The following CACNA2D3 variants were observed in gnomAD, a reference collection of about 807,000 sequenced individuals.
CACNA2D3 encodes the protein calcium voltage-gated channel auxiliary subunit alpha2delta 3.
A neutral mutation model predicts 160.6 loss-of-function variants in CACNA2D3; 60 were observed. The observed-to-expected ratio is 0.37, with a 90% CI of 0.30 to 0.46. The LOEUF (loss-of-function observed/expected upper bound fraction) is 0.46. Among genes scored for constraint, CACNA2D3 ranks in the 20% least tolerant of loss-of-function variants. CACNA2D3 has a pLI of 1.00. For synonymous variants in CACNA2D3, 558 were observed against 492.9 expected, an observed-to-expected ratio of 1.13 and a Z score of -1.75; for missense variants, 1,205 against 1,365.0, an observed-to-expected ratio of 0.88 and a Z score of 1.85.
At chr3:54,935,885 G>C (rs1701316820) in intron 27 of CACNA2D3, among the ~76,000 whole-genome samples, 1 of 152,172 alleles carries the variant, frequency 6.6e-6, no homozygotes, top group Admixed American at 6.5e-5. Flanking sequence ...TTAGTCTTAA[G>C]CAGGACTTAG....
At chr3:54,854,777 A>G (rs528606542) in intron 17 of CACNA2D3, among the ~76,000 whole-genome samples, 200 of 152,276 alleles carry the variant, frequency 1.3e-3, no homozygotes, top group African/African-American at 4.6e-3. Context: ...ATAAATAACT[A>G]CATATTTGAA....
At position 54,626,684 on chromosome 3, in the gene CACNA2D3, C is replaced by CAAAAA. The variant is rs71096430; in HGVS notation, c.964-1082_964-1078dup. On this transcript the variant is annotated intron_variant, in intron 9 of 37. Coordinates refer to ENST00000474759, the MANE Select transcript of CACNA2D3 (RefSeq NM_018398.3). Reference sequence around the variant, plus strand: ...TAATAAAGGCGCACATGGTTCCAGTCAAAAAAAAAAAAAAAAAAAAAAAAA... The same window carrying CAAAAA: ...TAATAAAGGCGCACATGGTTCCAGTCAAAAAAAAAAAAAAAAAAAAAAAAAAAAAA... 1,241 of 317,812 alleles carry CAAAAA rather than the reference C, an allele frequency of 3.9e-3. 7 individuals are homozygous for CAAAAA. Among genetic ancestry groups the CAAAAA allele is most frequent in the African/African-American group, 9.1e-3 (197 of 21,534 alleles). The allele number at this position is 317,812 out of a possible 1,614,324, so 19.7% of individuals were successfully genotyped here.
chr3:54,239,694 A>G (rs953445784), intron 2 of CACNA2D3, among the ~76,000 whole-genome samples: 4 of 152,248 alleles, frequency 2.6e-5, no homozygotes, highest in Admixed American at 6.5e-5. Flanking sequence ...AGTTTGGCTC[A>G]AAAATATTAT....
At chr3:54,668,255 T>G (rs931981992) in intron 11 of CACNA2D3, among the ~76,000 whole-genome samples, 1 of 152,192 alleles carries the variant, frequency 6.6e-6, no homozygotes, top group Non-Finnish European at 1.5e-5. Flanking sequence ...TTTTTTCTCT[T>G]TTCTCCACCC....
intron 4 of CACNA2D3, among the ~76,000 whole-genome samples, chr3:54,412,241 CCT>C (rs1039653214): frequency 6.6e-6 from 1 of 151,660 alleles, no homozygotes; most frequent in Non-Finnish European, 1.5e-5. Context: ...ACTGCATTCT[CCT>C]CTCTCTCATT....
chr3:54,633,493 T>A (rs1261458334), intron 10 of CACNA2D3: 1 of 152,058 alleles, frequency 6.6e-6, no homozygotes, highest in Non-Finnish European at 1.5e-5. Flanking sequence ...AAAAATCGGA[T>A]TTATTGGGCA....
chr3:55,006,836 A>G (rs987116303), intron 32 of CACNA2D3, among the ~76,000 whole-genome samples: 3 of 152,222 alleles, frequency 2.0e-5, no homozygotes, highest in Admixed American at 6.5e-5. Context: ...TCTAGTTCTT[A>G]TAATTAAAAT....
At chr3:54,931,430 C>G (rs1288446486) in intron 27 of CACNA2D3, among the ~76,000 whole-genome samples, 1 of 152,182 alleles carries the variant, frequency 6.6e-6, no homozygotes, top group African/African-American at 2.4e-5. Flanking sequence ...GATATGCATG[C>G]TAATGCTAGG....
chr3:54,393,214 T>C (rs2106678833), intron 4 of CACNA2D3, among the ~76,000 whole-genome samples: 1 of 152,216 alleles, frequency 6.6e-6, no homozygotes. Context: ...GAAGCACCCA[T>C]CGTCGACGTG....
chr3:54,871,152 C>T (rs1699517774), intron 17 of CACNA2D3, among the ~76,000 whole-genome samples: 1 of 145,140 alleles, frequency 6.9e-6, no homozygotes, highest in African/African-American at 2.6e-5. Flanking sequence ...ACAGAATTTA[C>T]ATTGTTTACA....
At chr3:54,798,751 A>C (rs1014565510) in intron 13 of CACNA2D3, among the ~76,000 whole-genome samples, 1 of 152,188 alleles carries the variant, frequency 6.6e-6, no homozygotes. Flanking sequence ...ATACCAACCC[A>C]CTAGCGAGCA....
intron 27 of CACNA2D3, among the ~76,000 whole-genome samples, chr3:54,912,816 T>C (rs1393868990): frequency 6.6e-6 from 1 of 152,166 alleles, no homozygotes; most frequent in Admixed American, 6.5e-5. Context: ...CCTTAATACT[T>C]GGAAAAGGAG....
chr3:54,576,106 C>T (rs907517061), intron 8 of CACNA2D3, among the ~76,000 whole-genome samples: 5 of 152,096 alleles, frequency 3.3e-5, no homozygotes, highest in South Asian at 2.1e-4. Context: ...TGTTGAGATG[C>T]GCCCCGAAGC....
intron 11 of CACNA2D3, among the ~76,000 whole-genome samples, chr3:54,655,891 A>G (rs1699868284): frequency 6.6e-6 from 1 of 152,194 alleles, no homozygotes; most frequent in African/African-American, 2.4e-5. Context: ...CTGGGTGGGT[A>G]TCTAGGCTTT....
chr3:55,035,018 T>C (rs1703782945), intron 35 of CACNA2D3, among the ~76,000 whole-genome samples: 3 of 152,168 alleles, frequency 2.0e-5, no homozygotes, highest in Non-Finnish European at 4.4e-5. Context: ...ACATAAGATA[T>C]AACTTTTATA....
At chr3:54,359,142 C>T (rs1275665350) in intron 3 of CACNA2D3, among the ~76,000 whole-genome samples, 2 of 152,164 alleles carry the variant, frequency 1.3e-5, no homozygotes, top group South Asian at 2.1e-4. Context: ...AACATGGCTT[C>T]AGGGTCTGTC....
chr3:55,072,298 C>G (rs572720673), intron 35 of CACNA2D3, among the ~76,000 whole-genome samples: 1 of 152,090 alleles, frequency 6.6e-6, no homozygotes, highest in African/African-American at 2.4e-5. Flanking sequence ...AGAAAGAAAC[C>G]AATTGTGTTG....
chr3:54,801,200 C>G lies in CACNA2D3; in HGVS notation c.1381-15653C>G, dbSNP rs1702979002. On this transcript the variant is annotated intron_variant, in intron 13 of 37. Coordinates refer to ENST00000474759, the MANE Select transcript of CACNA2D3 (RefSeq NM_018398.3). Reference sequence around the variant, plus strand: ...ATGGGGTTTCACCATGTTGGCCAGGCTGGTGTCAAACTCCTGACCTCAAGT... The same window carrying G: ...ATGGGGTTTCACCATGTTGGCCAGGGTGGTGTCAAACTCCTGACCTCAAGT... 1.3e-5 allele frequency among the ~76,000 whole-genome samples: 2 copies of G among 152,012 alleles called. 1 individual carries two copies. The highest frequency in any genetic ancestry group is 4.1e-4 in the South Asian group (2 of 4,824).
At chr3:54,208,628 C>A (rs1426297294) in intron 2 of CACNA2D3, among the ~76,000 whole-genome samples, 1 of 152,166 alleles carries the variant, frequency 6.6e-6, no homozygotes, top group East Asian at 1.9e-4. Context: ...AGGTGTCTCT[C>A]TTCTTGATGG....
Sources: allele counts gnomAD v4.1 joint callset (sites outside exome capture counted in the v4.1 genomes callset), GRCh38; gene constraint gnomAD v4.1.1; transcripts MANE v1.5; gene names NCBI Gene and HGNC (gene_info 2026-07-23, HGNC 2026-07-21).